Variants in CCSER1 observed in about 807,000 individuals in gnomAD.
The protein encoded by CCSER1 is serine-rich coiled-coil domain-containing protein 1.
In CCSER1, 41 loss-of-function variants were observed where a neutral mutation model predicts 82.0. The observed-to-expected ratio is 0.50, with a 90% CI of 0.39 to 0.65. The LOEUF is 0.65. Ranked by LOEUF, CCSER1 falls within the 30% of genes least tolerant of loss-of-function variation. CCSER1 has a pLI of 0.00. For synonymous variants in CCSER1, 414 were observed against 383.9 expected (o/e 1.08, Z -0.92); for missense variants, 1,119 against 1,064.2 (o/e 1.05, Z -0.72).
In CCSER1 at chr4:90,376,762, TAA is replaced by T. The variant is rs1748382728; in HGVS notation, c.1510-23273_1510-23272del. 1.3e-5 allele frequency among the ~76,000 whole-genome samples: 2 copies of T among 152,156 alleles called. 1 individual carries two copies. The highest frequency in any genetic ancestry group is 4.8e-5 in the African/African-American group (2 of 41,436). On this transcript the variant is annotated intron_variant, in intron 3 of 10. Transcript: ENST00000509176. ...AGTCATGGGAAAATTCTCCAAAAGT[TAA>T]GACACTGTAGAAGGAGTTTGATGTT...
rs1404645367 is a variant in CCSER1, at chr4:91,518,089, C to T, written c.2218-80483C>T. Reference sequence around the variant, plus strand: ...TGTGGACTCCTCTTTCTCTTGAGTGCTGGCTGCAGATCTTGGCTTGGCACT... The same window carrying T: ...TGTGGACTCCTCTTTCTCTTGAGTGTTGGCTGCAGATCTTGGCTTGGCACT... On this transcript the variant is annotated intron_variant, in intron 10 of 10. Coordinates refer to ENST00000509176, the MANE Select transcript of CCSER1 (RefSeq NM_001145065.2). Among the ~76,000 whole-genome samples the T allele has an allele frequency of 6.6e-5, 10 of 152,174 alleles. 1 individual carries two copies. The highest frequency in any genetic ancestry group is 6.6e-4 in the Admixed American group (10 of 15,266).
At chr4:91,461,621 G>A (rs1435514282) in intron 10 of CCSER1, among the ~76,000 whole-genome samples, 1 of 152,170 alleles carries the variant, frequency 6.6e-6, no homozygotes, top group African/African-American at 2.4e-5. Context: ...ATGGATTTCG[G>A]TGGAGCTCTT....
At chr4:90,614,593 C>T (rs1720856255) in intron 5 of CCSER1, among the ~76,000 whole-genome samples, 3 of 152,108 alleles carry the variant, frequency 2.0e-5, no homozygotes. Context: ...TCAAATCAGT[C>T]ATTACAGTCC....
intron 10 of CCSER1, among the ~76,000 whole-genome samples, chr4:91,236,673 C>CT (rs572706157): frequency 4.6e-5 from 7 of 152,148 alleles, no homozygotes; most frequent in Non-Finnish European, 8.8e-5. Flanking sequence ...GACATACTCT[C>CT]TAATTTTCTA....
At chr4:91,211,284 A>AGTT (rs1308976580) in intron 10 of CCSER1, among the ~76,000 whole-genome samples, 1 of 152,050 alleles carries the variant, frequency 6.6e-6, no homozygotes, top group South Asian at 2.1e-4. Context: ...GTTGGATTTG[A>AGTT]GTTATATTTT....
intron 10 of CCSER1, among the ~76,000 whole-genome samples, chr4:91,215,839 A>T (rs2149091555): frequency 6.6e-6 from 1 of 152,360 alleles, no homozygotes; most frequent in South Asian, 2.1e-4. Flanking sequence ...CTATGCTATT[A>T]TTAAAATCCA....
At chr4:90,816,180 T>C (rs1457537187) in intron 8 of CCSER1, among the ~76,000 whole-genome samples, 1 of 152,226 alleles carries the variant, frequency 6.6e-6, no homozygotes, top group Non-Finnish European at 1.5e-5. Context: ...CATAAAGCTA[T>C]ACCTAAAGAT....
intron 10 of CCSER1, among the ~76,000 whole-genome samples, chr4:91,176,421 G>A (rs1028183271): frequency 6.6e-6 from 1 of 152,124 alleles, no homozygotes; most frequent in African/African-American, 2.4e-5. Flanking sequence ...GGGCAGTGTG[G>A]CCATTTTCAC....
rs74598144 is a variant in CCSER1 at position 90,730,378 on chromosome 4, T to C, written c.2010+6387T>C. On this transcript the variant is annotated intron_variant, in intron 7 of 10. Transcript: ENST00000509176. ...CCCTGGAAGAGCCCATTATGGTATA[T>C]TTCTGCATTTCTGGTCATTTTTTAC... 4.7e-4 allele frequency among the ~76,000 whole-genome samples: 72 copies of C among 152,332 alleles called. 1 individual carries two copies. The East Asian group carries it at 0.011, about 24-fold the overall frequency.
At chr4:91,472,996 C>T (rs1405103930) in intron 10 of CCSER1, among the ~76,000 whole-genome samples, 1 of 152,078 alleles carries the variant, frequency 6.6e-6, no homozygotes, top group East Asian at 1.9e-4. Context: ...AGTCTGTGAT[C>T]TGTGTTATCC....
In CCSER1 at chr4:90,415,522, T is replaced by C. The variant is rs538699232; in HGVS notation, c.1603+15393T>C. Reference sequence around the variant, plus strand: ...ATAAAGCTTAATAAAATATCAGATATTAAGCAATGTTATTTCCTGATGAAT... The same window carrying C: ...ATAAAGCTTAATAAAATATCAGATACTAAGCAATGTTATTTCCTGATGAAT... On this transcript the variant is annotated intron_variant, in intron 4 of 10. Transcript: ENST00000509176. Among the ~76,000 whole-genome samples the C allele has an allele frequency of 8.5e-5, 13 of 152,322 alleles. No individual in the cohort carries two copies. The East Asian group carries it at 2.5e-3, about 29-fold the overall frequency.
At chr4:90,915,230 C>T (rs187946574) in intron 8 of CCSER1, among the ~76,000 whole-genome samples, 23 of 152,206 alleles carry the variant, frequency 1.5e-4, no homozygotes, top group Non-Finnish European at 2.8e-4. Context: ...AATATTAGAC[C>T]AATATCCATG....
chr4:91,123,349 A>T (rs1228433818), intron 10 of CCSER1, among the ~76,000 whole-genome samples: 1 of 151,784 alleles, frequency 6.6e-6, no homozygotes, highest in Non-Finnish European at 1.5e-5. Flanking sequence ...ATATTTACCC[A>T]AATAGTCTAC....
chr4:90,204,618 A>G (rs1560793053), intron 1 of CCSER1, among the ~76,000 whole-genome samples: 1 of 152,186 alleles, frequency 6.6e-6, no homozygotes. Context: ...GTTTGAAGTC[A>G]GGTAGTGTGA....
intron 5 of CCSER1, among the ~76,000 whole-genome samples, chr4:90,523,821 G>GA (rs1773423055): frequency 2.6e-5 from 4 of 151,882 alleles, no homozygotes; most frequent in Admixed American, 2.0e-4. Context: ...AGGCATATCT[G>GA]AAAAAAATCA....
chr4:91,063,607 T>C (rs1019563684), intron 9 of CCSER1, among the ~76,000 whole-genome samples: 1 of 152,158 alleles, frequency 6.6e-6, no homozygotes, highest in Admixed American at 6.6e-5. Flanking sequence ...ATTTTCCTTA[T>C]ATTCCCCAAA....
intron 1 of CCSER1, among the ~76,000 whole-genome samples, chr4:90,129,358 A>G (rs771925731): frequency 6.6e-6 from 1 of 152,298 alleles, no homozygotes. Context: ...TTGCTTTATA[A>G]CAGGTACATG....
intron 10 of CCSER1, among the ~76,000 whole-genome samples, chr4:91,379,997 G>A (rs541443385): frequency 4.7e-4 from 71 of 152,162 alleles, no homozygotes; most frequent in Admixed American, 3.2e-3. Context: ...CCTTCATTTC[G>A]TTATGTACCC....
chr4:91,035,523 G>A (rs954136924), intron 9 of CCSER1, among the ~76,000 whole-genome samples: 20 of 152,120 alleles, frequency 1.3e-4, no homozygotes, highest in Admixed American at 4.6e-4. Flanking sequence ...TTATTATCGC[G>A]GAAATCTCTG....
Sources: allele counts gnomAD v4.1 joint callset (sites outside exome capture counted in the v4.1 genomes callset), GRCh38; gene constraint gnomAD v4.1.1; transcripts MANE v1.5; gene names NCBI Gene and HGNC (gene_info 2026-07-23, HGNC 2026-07-21).